Variants in SPMAP1 observed in about 807,000 individuals in gnomAD.
SPMAP1 encodes the protein uncharacterized protein C17orf98.
the SPMAP1 span, among the ~76,000 whole-genome samples, chr17:38,838,589 G>T: frequency 2.6e-5 from 4 of 151,806 alleles, no homozygotes; most frequent in East Asian, 7.8e-4. Flanking sequence ...AATAGGGCGA[G>T]ACTCCACCTC....
At chr17:38,835,207 G>GAA in the SPMAP1 span, 1 of 1,614,214 alleles carries the variant, frequency 6.2e-7, no homozygotes, top group Admixed American at 1.7e-5. Flanking sequence ...GAGGGAAGTG[G>GAA]GTGACCTCTC....
chr17:38,837,412 C>T, the SPMAP1 span, among the ~76,000 whole-genome samples: 6 of 152,294 alleles, frequency 3.9e-5, no homozygotes, highest in South Asian at 1.2e-3. Flanking sequence ...TGCAGTGGCT[C>T]AGGCCTCTAA....
At chr17:38,836,581 CTTTCTTTTTT>C in the SPMAP1 span, among the ~76,000 whole-genome samples, 2 of 97,394 alleles carry the variant, frequency 2.1e-5, no homozygotes, top group Non-Finnish European at 4.2e-5. Context: ...TTCTTTCTTT[CTTTCTTTTTT>C]TTTTTTTTTT....
chr17:38,840,617 CAAAAAAAAAAAAAAAAAAA>C, the SPMAP1 span, among the ~76,000 whole-genome samples: 60 of 48,726 alleles, frequency 1.2e-3, 1 homozygote, highest in South Asian at 0.035. Flanking sequence ...CCCCTCTCTA[CAAAAAAAAAAAAAAAAAAA>C]AAAAAAAAAA....
At chr17:38,838,719 C>T in the SPMAP1 span, among the ~76,000 whole-genome samples, 2 of 152,152 alleles carry the variant, frequency 1.3e-5, no homozygotes, top group Non-Finnish European at 2.9e-5. Flanking sequence ...TTCAAGGCTG[C>T]AGTGAGCTGT....
At chr17:38,838,460 T>G in the SPMAP1 span, among the ~76,000 whole-genome samples, 1 of 151,376 alleles carries the variant, frequency 6.6e-6, no homozygotes, top group African/African-American at 2.4e-5. Flanking sequence ...ATTAGCCAGG[T>G]GTAGTGGCTC....
the SPMAP1 span, among the ~76,000 whole-genome samples, chr17:38,839,478 A>AAAAAAAG: frequency 6.7e-6 from 1 of 148,312 alleles, no homozygotes; most frequent in Non-Finnish European, 1.5e-5. Flanking sequence ...AAAAAAAAAA[A>AAAAAAAG]AAAAGAAAAG....
At chr17:38,839,494 A>G in the SPMAP1 span, among the ~76,000 whole-genome samples, 301 of 148,614 alleles carry the variant, frequency 2.0e-3, 4 homozygotes, top group Non-Finnish European at 2.8e-4. Flanking sequence ...AAAAGAAAAG[A>G]AAAGAAAAAT....
At chr17:38,835,417 G>A in the SPMAP1 span, 5 of 1,552,340 alleles carry the variant, frequency 3.2e-6, no homozygotes, top group Admixed American at 1.7e-5. Context: ...TCCCCTGGGT[G>A]TGGTATGGGA....
At chr17:38,839,237 T>C in the SPMAP1 span, among the ~76,000 whole-genome samples, 4 of 151,442 alleles carry the variant, frequency 2.6e-5, no homozygotes, top group African/African-American at 4.8e-5. Context: ...GATGCCAGCA[T>C]GGTGGCTCAT....
At chr17:38,837,855 G>T in the SPMAP1 span, among the ~76,000 whole-genome samples, 1 of 151,968 alleles carries the variant, frequency 6.6e-6, no homozygotes, top group African/African-American at 2.4e-5. Flanking sequence ...AGCTTCTCTG[G>T]GCCTCAGTTT....
At chr17:38,837,343 G>T in the SPMAP1 span, 1 of 792,286 alleles carries the variant, frequency 1.3e-6, no homozygotes. Context: ...ATAGGGAAGA[G>T]GTCAGAGCCT....
chr17:38,841,155 T>C, the SPMAP1 span: 2 of 1,572,050 alleles, frequency 1.3e-6, no homozygotes, highest in Non-Finnish European at 1.7e-6. Flanking sequence ...TAGGGAGGTG[T>C]GTGGGGTCTT....
chr17:38,841,164 T>C, the SPMAP1 span: 10 of 1,594,986 alleles, frequency 6.3e-6, no homozygotes, highest in South Asian at 5.5e-5. Context: ...GTGTGGGGTC[T>C]TCCGGGAAGC....
At chr17:38,838,912 C>T in the SPMAP1 span, among the ~76,000 whole-genome samples, 4 of 151,710 alleles carry the variant, frequency 2.6e-5, no homozygotes, top group African/African-American at 9.7e-5. Context: ...TAGTGAAACC[C>T]CGTCTCTACT....
At chr17:38,837,603 C>T in the SPMAP1 span, among the ~76,000 whole-genome samples, 4 of 151,092 alleles carry the variant, frequency 2.6e-5, no homozygotes, top group African/African-American at 9.7e-5. Context: ...GCTTGAACCC[C>T]GGAGGCAGAA....
At chr17:38,836,930 T>C in the SPMAP1 span, among the ~76,000 whole-genome samples, 3 of 150,272 alleles carry the variant, frequency 2.0e-5, no homozygotes, top group Middle Eastern at 6.8e-3. Context: ...GTTTGGGTGA[T>C]AGAGTGAGAC....
At chr17:38,837,017 G>T in the SPMAP1 span, 1 of 725,586 alleles carries the variant, frequency 1.4e-6, no homozygotes, top group Non-Finnish European at 2.5e-6. Flanking sequence ...GGGCACTGTG[G>T]CACCATCTGC....
At chr17:38,840,303 T>G in the SPMAP1 span, among the ~76,000 whole-genome samples, 3 of 152,208 alleles carry the variant, frequency 2.0e-5, no homozygotes, top group African/African-American at 7.2e-5. Context: ...TTTGCGTATT[T>G]AGAGAATTTG....
Sources: gnomAD v4.1 joint callset for allele counts (sites outside exome capture counted in the v4.1 genomes callset) on GRCh38, gnomAD v4.1.1 for gene constraint, MANE v1.5 for transcripts, NCBI Gene and HGNC (gene_info 2026-07-23, HGNC 2026-07-21) for gene names.